DLC1: variants seen among roughly 807,000 people sequenced by gnomAD.
The protein encoded by DLC1 is rho GTPase-activating protein 7.
DLC1 carries 54 observed loss-of-function variants against 140.3 expected under a neutral mutation model. The observed-to-expected ratio is 0.38, with a 90% CI of 0.31 to 0.48. The LOEUF (loss-of-function observed/expected upper bound fraction) is 0.48. DLC1 is among the 20% of genes least tolerant of loss of function. The pLI, the probability that DLC1 is intolerant of heterozygous loss-of-function variation, is 0.96. For synonymous variants in DLC1, 986 were observed against 728.1 expected, an observed-to-expected ratio of 1.35 and a Z score of -5.70; for missense variants, 2,536 against 1,907.0, an observed-to-expected ratio of 1.33 and a Z score of -6.14.
In DLC1 at chr8:13,190,699, CAGA is replaced by C. The variant is rs201520023; in HGVS notation, c.1349-75045_1349-75043del. ...GATCAGAAGCTGTGGGCTGTGGGAT[CAGA>C]AGAAGGTTTCAGATTACTGGTGGAG... On this transcript the variant is annotated intron_variant, in intron 5 of 17. Coordinates refer to ENST00000276297, the MANE Select transcript of DLC1 (RefSeq NM_182643.3). 5.5e-3 allele frequency among the ~76,000 whole-genome samples: 839 copies of C among 152,166 alleles called. 12 individuals carry two copies. The highest frequency in any genetic ancestry group is 0.019 in the African/African-American group (799 of 41,536).
At chr8:13,120,357 A>AAAAAAAAAAAATATATATATATG (rs1820953396) in intron 5 of DLC1, among the ~76,000 whole-genome samples, 1 of 45,366 alleles carries the variant, frequency 2.2e-5, no homozygotes, top group Non-Finnish European at 4.9e-5. Context: ...AAAAAAAAAA[A>AAAAAAAAAAAATATATATATATG]TATATATATA....
intron 2 of DLC1, among the ~76,000 whole-genome samples, chr8:13,437,155 G>C (rs1037928505): frequency 6.6e-6 from 1 of 152,096 alleles, no homozygotes; most frequent in African/African-American, 2.4e-5. Flanking sequence ...CATTCCTACT[G>C]TTTCTCAAGT....
chr8:13,116,806 T>A (rs1195872591), intron 5 of DLC1, among the ~76,000 whole-genome samples: 1 of 152,210 alleles, frequency 6.6e-6, no homozygotes, highest in Non-Finnish European at 1.5e-5. Flanking sequence ...TGCCATCTCC[T>A]GATGAGTTCT....
intron 4 of DLC1, among the ~76,000 whole-genome samples, chr8:13,352,776 C>T (rs1014769483): frequency 1.2e-4 from 19 of 152,096 alleles, no homozygotes; most frequent in African/African-American, 4.6e-4. Context: ...AATCGTTAAG[C>T]AACTGTGAGA....
At chr8:13,479,056 C>T (rs1001898102) in intron 2 of DLC1, among the ~76,000 whole-genome samples, 1 of 152,166 alleles carries the variant, frequency 6.6e-6, no homozygotes, top group South Asian at 2.1e-4. Flanking sequence ...ATTCTTTTCT[C>T]TTATTAGTTC....
intron 4 of DLC1, among the ~76,000 whole-genome samples, chr8:13,347,105 C>G (rs139079144): frequency 1.3e-5 from 2 of 152,268 alleles, no homozygotes; most frequent in African/African-American, 4.8e-5. Context: ...ATAGTATACA[C>G]AGGGTTTGGT....
intron 2 of DLC1, among the ~76,000 whole-genome samples, chr8:13,419,363 G>T (rs1042117772): frequency 1.6e-4 from 25 of 152,002 alleles, no homozygotes; most frequent in African/African-American, 3.6e-4. Context: ...GTCATAGATA[G>T]CTCTTATTAT....
chr8:13,379,853 G>A (rs999683514), intron 4 of DLC1, among the ~76,000 whole-genome samples: 1 of 152,072 alleles, frequency 6.6e-6, no homozygotes, highest in Admixed American at 6.6e-5. Context: ...CAGGGACATC[G>A]ATGAAACTGG....
At chr8:13,542,698 C>T (rs751622715) in intron 1 of DLC1, among the ~76,000 whole-genome samples, 3 of 151,886 alleles carry the variant, frequency 2.0e-5, no homozygotes, top group Non-Finnish European at 2.9e-5. Flanking sequence ...GTTTGTAGGC[C>T]TTACATAATT....
chr8:13,578,791 C>T (rs182564675), intron 1 of DLC1, among the ~76,000 whole-genome samples: 1 of 151,950 alleles, frequency 6.6e-6, no homozygotes, highest in Non-Finnish European at 1.5e-5. Context: ...CCTCCAGGTA[C>T]CCCCATGTGT....
At chr8:13,502,393 C>T (rs1324361299) in intron 1 of DLC1, among the ~76,000 whole-genome samples, 1 of 152,044 alleles carries the variant, frequency 6.6e-6, no homozygotes, top group African/African-American at 2.4e-5. Flanking sequence ...ATTTTCATAA[C>T]GATCATTATT....
At chr8:13,452,673 T>G (rs1277325897) in intron 2 of DLC1, among the ~76,000 whole-genome samples, 3 of 152,194 alleles carry the variant, frequency 2.0e-5, no homozygotes, top group African/African-American at 7.2e-5. Context: ...GTACCTCACA[T>G]ATAGCAAAAA....
intron 5 of DLC1, among the ~76,000 whole-genome samples, chr8:13,247,783 T>C (rs576000464): frequency 4.6e-5 from 7 of 152,350 alleles, no homozygotes; most frequent in Middle Eastern, 6.8e-3. Context: ...CTGATTATCA[T>C]AGACTTGAGG....
At chr8:13,380,125 A>G (rs1836186654) in intron 4 of DLC1, among the ~76,000 whole-genome samples, 1 of 152,192 alleles carries the variant, frequency 6.6e-6, no homozygotes, top group African/African-American at 2.4e-5. Flanking sequence ...CTGGGATGGA[A>G]GGAAGTTTCA....
intron 5 of DLC1, among the ~76,000 whole-genome samples, chr8:13,219,365 C>A (rs1420284240): frequency 1.8e-5 from 1 of 56,290 alleles, no homozygotes; most frequent in African/African-American, 9.7e-5. Context: ...TTATATAATT[C>A]ATATACTTAT....
intron 1 of DLC1, among the ~76,000 whole-genome samples, chr8:13,507,677 T>C (rs1282384862): frequency 2.0e-5 from 3 of 152,216 alleles, no homozygotes; most frequent in Non-Finnish European, 4.4e-5. Flanking sequence ...GTGGAAAACA[T>C]GAATCCCTGT....
chr8:13,448,042 C>T (rs893454758), intron 2 of DLC1, among the ~76,000 whole-genome samples: 8 of 152,132 alleles, frequency 5.3e-5, no homozygotes, highest in Admixed American at 2.6e-4. Context: ...GCATGGATAA[C>T]TAAATGTTAA....
At position 13,600,593 on chromosome 8, in the gene DLC1, T is replaced by C. The variant is rs1487294878; in HGVS notation, c.-126+3944A>G. Among the ~76,000 whole-genome samples the C allele has an allele frequency of 2.0e-5, 3 of 152,008 alleles. No homozygotes were observed. In the East Asian group the frequency reaches 5.8e-4, roughly 29 times the overall value. On this transcript the variant is annotated intron_variant, in intron 1 of 1. Coordinates refer to the DLC1 transcript ENST00000631382. ...CAGATGCAGTTGAAAAAAGAAAAAG[T>C]GGCAATGTAAAAATAGATCATTGCA...
chr8:13,377,870 T>C (rs913716660), intron 4 of DLC1, among the ~76,000 whole-genome samples: 5 of 151,720 alleles, frequency 3.3e-5, no homozygotes, highest in African/African-American at 1.2e-4. Flanking sequence ...TGAAGTGATA[T>C]AATTTGACCA....
Sources: gnomAD v4.1 joint callset for allele counts (sites outside exome capture counted in the v4.1 genomes callset) on GRCh38, gnomAD v4.1.1 for gene constraint, MANE v1.5 for transcripts, NCBI Gene and HGNC (gene_info 2026-07-23, HGNC 2026-07-21) for gene names.